Variants in FMNL2 observed in about 807,000 individuals in gnomAD.
FMNL2 encodes formin like 2, also known as formin-like protein 2.
Under a neutral mutation model 130.2 loss-of-function variants are expected in FMNL2, and 51 were observed. That is an observed-to-expected ratio of 0.39 (90% CI 0.31 to 0.49). FMNL2 has a LOEUF of 0.49. Among genes scored for constraint, FMNL2 ranks in the 20% least tolerant of loss-of-function variants. FMNL2 has a pLI of 0.85. For synonymous variants in FMNL2, 465 were observed against 467.1 expected (o/e 1.00, Z 0.06); for missense variants, 977 against 1,316.2 (o/e 0.74, Z 3.99).
intron 9 of FMNL2, among the ~76,000 whole-genome samples, chr2:152,603,103 G>T (rs1346337175): frequency 2.6e-5 from 4 of 152,196 alleles, no homozygotes; most frequent in African/African-American, 9.6e-5. Context: ...AATCTGGCCT[G>T]CATGCTTCCT....
chr2:152,475,707 C>G (rs1690113684), intron 1 of FMNL2, among the ~76,000 whole-genome samples: 1 of 152,018 alleles, frequency 6.6e-6, no homozygotes, highest in African/African-American at 2.4e-5. Flanking sequence ...CCATGTTGGC[C>G]AGGCTGGTGT....
intron 1 of FMNL2, among the ~76,000 whole-genome samples, chr2:152,457,201 G>A (rs1417185232): frequency 6.6e-6 from 1 of 151,530 alleles, no homozygotes; most frequent in Non-Finnish European, 1.5e-5. Context: ...AAAAAAAAAA[G>A]TTGAGAAATT....
At chr2:152,643,006 C>G (rs1301990685) in intron 25 of FMNL2, among the ~76,000 whole-genome samples, 1 of 70,432 alleles carries the variant, frequency 1.4e-5, no homozygotes, top group Non-Finnish European at 3.4e-5. Context: ...GAGACTCTGT[C>G]TCAAAAAAAA....
intron 1 of FMNL2, among the ~76,000 whole-genome samples, chr2:152,518,514 G>T (rs1284552724): frequency 6.6e-6 from 1 of 152,118 alleles, no homozygotes; most frequent in Non-Finnish European, 1.5e-5. Context: ...TGCTCTCTTG[G>T]TTATCTCATA....
At chr2:152,420,784 C>T (rs911281717) in intron 1 of FMNL2, among the ~76,000 whole-genome samples, 7 of 152,168 alleles carry the variant, frequency 4.6e-5, no homozygotes, top group African/African-American at 1.7e-4. Context: ...CAGGGGGTGC[C>T]TTCTGTGACG....
chr2:152,375,879 A>C (rs11676208), intron 1 of FMNL2, among the ~76,000 whole-genome samples: 33,295 of 83,392 alleles, frequency 0.4, 4,319 homozygotes, highest in Non-Finnish European at 0.45. Context: ...CTCTCTCTCT[A>C]TATATATATA....
At chr2:152,392,274 G>T (rs984582011) in intron 1 of FMNL2, among the ~76,000 whole-genome samples, 3 of 152,090 alleles carry the variant, frequency 2.0e-5, no homozygotes, top group Non-Finnish European at 4.4e-5. Flanking sequence ...TTTAGTGGAT[G>T]ATTTCAGTGA....
intron 1 of FMNL2, among the ~76,000 whole-genome samples, chr2:152,400,025 A>G (rs758032516): frequency 2.3e-4 from 35 of 152,178 alleles, no homozygotes; most frequent in Non-Finnish European, 4.7e-4. Context: ...AGCCCTGATG[A>G]TGCATTTTGT....
At chr2:152,620,965 T>G (rs1699219970) in intron 15 of FMNL2, 2 of 985,282 alleles carry the variant, frequency 2.0e-6, no homozygotes, top group Non-Finnish European at 2.4e-6. Context: ...CTTCTAGAAC[T>G]TTTATTACTT....
intron 4 of FMNL2, among the ~76,000 whole-genome samples, chr2:152,554,838 G>C (rs1051798064): frequency 2.6e-5 from 4 of 152,130 alleles, no homozygotes; most frequent in Non-Finnish European, 5.9e-5. Context: ...ATGAAAAAAT[G>C]GCTAGTTCAG....
chr2:152,638,151 T>G (rs1482286899), intron 23 of FMNL2, among the ~76,000 whole-genome samples: 1 of 152,190 alleles, frequency 6.6e-6, no homozygotes, highest in Non-Finnish European at 1.5e-5. Flanking sequence ...GGATGGTGCT[T>G]TTAAGGATGG....
intron 10 of FMNL2, among the ~76,000 whole-genome samples, chr2:152,610,421 C>T (rs778758085): frequency 5.3e-5 from 8 of 152,138 alleles, no homozygotes; most frequent in Non-Finnish European, 1.2e-4. Flanking sequence ...CGTCACCCCC[C>T]CAGAAAAAAG....
In FMNL2 at chr2:152,637,349, A is replaced by G. The variant is rs139598578; in HGVS notation, c.2845-224A>G. Among the ~76,000 whole-genome samples the G allele has an allele frequency of 4.0e-3, 610 of 152,246 alleles. 4 individuals carry two copies. The highest frequency in any genetic ancestry group is 0.011 in the South Asian group (53 of 4,816). On this transcript the variant is annotated intron_variant, in intron 22 of 25. Coordinates refer to ENST00000288670, the MANE Select transcript of FMNL2 (RefSeq NM_052905.4). ...GTAGAAGTGGCAGGAGGTCCTGCAG[A>G]TGAATTCCTGTGCCCCACTATTGCA...
Position 152,626,588 on chromosome 2 carries a change from C to G in FMNL2, c.2026C>G (p.Leu676Val). The G allele has an allele frequency of 3.1e-6, 5 of 1,612,492 alleles. No individual in the cohort carries two copies. Among genetic ancestry groups the G allele is most frequent in the Non-Finnish European group, 4.2e-6 (5 of 1,179,266 alleles). Residue 676 changes from leucine to valine, a missense_variant, in exon 17 of 26, where the codon CTT becomes GTT. Transcript: ENST00000288670. Reference protein sequence around the residue: ...KTKAQGPAIDLSSSKQKIPQK... With the variant: ...KTKAQGPAIDVSSSKQKIPQK... ...AAAAGCCCAAGGACCTGCCATTGAT[C>G]TTTCTTCAAGCAAACAGAAGATACC...
At chr2:152,390,736 G>C in intron 1 of FMNL2, 1 of 679,608 alleles carries the variant, frequency 1.5e-6, no homozygotes, top group South Asian at 1.6e-5. Flanking sequence ...GCTTGGGGTA[G>C]GCATGGGACT....
At chr2:152,447,611 T>C (rs1003627101) in intron 1 of FMNL2, among the ~76,000 whole-genome samples, 5 of 152,194 alleles carry the variant, frequency 3.3e-5, no homozygotes, top group African/African-American at 1.2e-4. Flanking sequence ...CTTTTTCCAC[T>C]TTGAAATGTC....
At chr2:152,566,356 A>T (rs1695837106) in intron 6 of FMNL2, among the ~76,000 whole-genome samples, 1 of 152,198 alleles carries the variant, frequency 6.6e-6, no homozygotes, top group South Asian at 2.1e-4. Flanking sequence ...CAGCCACTGT[A>T]CTAAGGGCCT....
chr2:152,370,772 G>C (rs1683829012), intron 1 of FMNL2, among the ~76,000 whole-genome samples: 1 of 152,180 alleles, frequency 6.6e-6, no homozygotes, highest in South Asian at 2.1e-4. Flanking sequence ...AGATATAATA[G>C]TTATCTCTTG....
At chr2:152,534,560 T>A (rs1693881549) in intron 2 of FMNL2, among the ~76,000 whole-genome samples, 1 of 119,068 alleles carries the variant, frequency 8.4e-6, no homozygotes, top group African/African-American at 3.2e-5. Context: ...AAGGCTTATT[T>A]TGTCTTTTTT....
Sources: allele counts gnomAD v4.1 joint callset (sites outside exome capture counted in the v4.1 genomes callset), GRCh38; gene constraint gnomAD v4.1.1; transcripts MANE v1.5; gene names NCBI Gene and HGNC (gene_info 2026-07-23, HGNC 2026-07-21).